ARHGAP24: variants seen among roughly 807,000 people sequenced by gnomAD.
The protein encoded by ARHGAP24 is rho GTPase-activating protein 24.
A neutral mutation model predicts 76.4 loss-of-function variants in ARHGAP24; 50 were observed. The ratio of observed to expected loss-of-function variants is 0.65; its 90% confidence interval spans 0.52 to 0.83. The LOEUF (loss-of-function observed/expected upper bound fraction) is 0.83. Ranked by LOEUF, ARHGAP24 falls within the 40% of genes least tolerant of loss-of-function variation. The probability of loss-of-function intolerance (pLI) is 0.00; values close to 1 mark genes in which losing one functional copy is unlikely to be tolerated. For missense variants in ARHGAP24, 930 were observed against 914.2 expected, an observed-to-expected ratio of 1.02 and a Z score of -0.22; for synonymous variants, 345 against 323.3, an observed-to-expected ratio of 1.07 and a Z score of -0.72.
chr4:85,690,462 T>C (rs912473661), intron 2 of ARHGAP24, among the ~76,000 whole-genome samples: 1 of 152,150 alleles, frequency 6.6e-6, no homozygotes, highest in African/African-American at 2.4e-5. Context: ...TGTGTTGGTA[T>C]ATTTTTTATT....
chr4:85,940,308 C>G (rs376888306), intron 4 of ARHGAP24, among the ~76,000 whole-genome samples: 1 of 151,970 alleles, frequency 6.6e-6, no homozygotes, highest in Non-Finnish European at 1.5e-5. Context: ...GTCTGTTAAT[C>G]TTTTAGCCTT....
intron 2 of ARHGAP24, among the ~76,000 whole-genome samples, chr4:85,578,572 C>T (rs1344238092): frequency 6.6e-6 from 1 of 152,198 alleles, no homozygotes; most frequent in Non-Finnish European, 1.5e-5. Context: ...AGACTCACTA[C>T]CAGCTATAGG....
chr4:85,919,456 C>A (rs1735599345), intron 3 of ARHGAP24, among the ~76,000 whole-genome samples: 1 of 152,076 alleles, frequency 6.6e-6, no homozygotes, highest in African/African-American at 2.4e-5. Flanking sequence ...TTTAGCCACA[C>A]CCTTAGTAAT....
chr4:85,893,680 A>C (rs1733965629), intron 3 of ARHGAP24, among the ~76,000 whole-genome samples: 1 of 136,392 alleles, frequency 7.3e-6, no homozygotes, highest in Non-Finnish European at 1.6e-5. Flanking sequence ...AGAATGTTGA[A>C]TATTGGCCCC....
chr4:85,932,435 CTTTTTTTTTTTT>C (rs5860009), intron 4 of ARHGAP24, among the ~76,000 whole-genome samples: 1 of 109,094 alleles, frequency 9.2e-6, no homozygotes, highest in Non-Finnish European at 1.9e-5. Flanking sequence ...CTTTAAAGGA[CTTTTTTTTTTTT>C]TTTTTTTTGG....
At chr4:85,798,692 T>G (rs1374451148) in intron 3 of ARHGAP24, among the ~76,000 whole-genome samples, 1 of 152,222 alleles carries the variant, frequency 6.6e-6, no homozygotes, top group Non-Finnish European at 1.5e-5. Context: ...TAAATTTTTG[T>G]ACTATTTTTG....
intron 2 of ARHGAP24, among the ~76,000 whole-genome samples, chr4:85,668,695 G>A (rs79626765): frequency 0.029 from 4,452 of 152,190 alleles, 201 homozygotes; most frequent in African/African-American, 0.1. Context: ...AAGTTTAGGA[G>A]ATAAAGGGGT....
intron 2 of ARHGAP24, among the ~76,000 whole-genome samples, chr4:85,680,853 T>G (rs541601186): frequency 1.5e-4 from 23 of 151,218 alleles, no homozygotes; most frequent in Non-Finnish European, 2.9e-4. Context: ...ATTTTGAGTA[T>G]CACAGCCTTC....
chr4:85,789,541 A>G (rs1357835666), intron 3 of ARHGAP24, among the ~76,000 whole-genome samples: 1 of 152,176 alleles, frequency 6.6e-6, no homozygotes, highest in Admixed American at 6.5e-5. Context: ...TAGAACCAAC[A>G]TCTGATGCTA....
chr4:85,780,503 C>CT (rs77665076), intron 3 of ARHGAP24, among the ~76,000 whole-genome samples: 7 of 151,362 alleles, frequency 4.6e-5, no homozygotes, highest in Non-Finnish European at 7.4e-5. Context: ...TTTTATAGGA[C>CT]TTTTTTTTTC....
chr4:85,507,389 A>T (rs1724104134), intron 1 of ARHGAP24, among the ~76,000 whole-genome samples: 1 of 152,036 alleles, frequency 6.6e-6, no homozygotes, highest in African/African-American at 2.4e-5. Context: ...TTACCTTTTT[A>T]TTCACTGGTA....
intron 1 of ARHGAP24, 93 bp from the exon 2 acceptor site, chr4:85,570,429 C>CTT: frequency 1.7e-6 from 1 of 589,624 alleles, no homozygotes; most frequent in Non-Finnish European, 2.7e-6. Flanking sequence ...CTCTCTCTCT[C>CTT]TCTTTTTTTT....
At chr4:85,845,395 G>T (rs558581998) in intron 3 of ARHGAP24, among the ~76,000 whole-genome samples, 142 of 152,212 alleles carry the variant, frequency 9.3e-4, no homozygotes, top group African/African-American at 3.3e-3. Context: ...GGAGATTAAG[G>T]CGCTTGTTCA....
intron 3 of ARHGAP24, among the ~76,000 whole-genome samples, chr4:85,750,764 CG>C (rs1455207420): frequency 1.3e-5 from 2 of 152,122 alleles, no homozygotes; most frequent in African/African-American, 2.4e-5. Flanking sequence ...TCCCAAAGTG[CG>C]GGGATTACAG....
At chr4:85,503,695 GT>G (rs1560511550) in intron 1 of ARHGAP24, among the ~76,000 whole-genome samples, 1 of 152,026 alleles carries the variant, frequency 6.6e-6, no homozygotes, top group Non-Finnish European at 1.5e-5. Flanking sequence ...TTTTTGAAGG[GT>G]TTTTTGTGTC....
chr4:85,731,165 A>ACCACATGCTACAG (rs1553925831), intron 3 of ARHGAP24, among the ~76,000 whole-genome samples: 3 of 796 alleles, frequency 3.8e-3, no homozygotes, highest in African/African-American at 3.9e-3. Flanking sequence ...CCACAAAACC[A>ACCACATGCTACAG]CCTTCTTATA....
At chr4:85,827,659 T>A (rs1235726258) in intron 3 of ARHGAP24, 1 of 214,902 alleles carries the variant, frequency 4.7e-6, no homozygotes, top group African/African-American at 2.3e-5. Context: ...GTCTGGAGTT[T>A]AGGGTCTTTC....
At chr4:85,932,079 G>A (rs747408443) in intron 4 of ARHGAP24, among the ~76,000 whole-genome samples, 6 of 152,038 alleles carry the variant, frequency 3.9e-5, no homozygotes, top group Non-Finnish European at 8.8e-5. Flanking sequence ...GCTTTCCTTT[G>A]CGTAGCTAAG....
At chr4:85,741,811 T>G (rs1040486686) in intron 3 of ARHGAP24, among the ~76,000 whole-genome samples, 1 of 152,192 alleles carries the variant, frequency 6.6e-6, no homozygotes, top group Admixed American at 6.5e-5. Context: ...GAGAAAATAA[T>G]TTTTTTACAG....
Sources: gnomAD v4.1 joint callset for allele counts (sites outside exome capture counted in the v4.1 genomes callset) on GRCh38, gnomAD v4.1.1 for gene constraint, MANE v1.5 for transcripts, NCBI Gene and HGNC (gene_info 2026-07-23, HGNC 2026-07-21) for gene names.